ARIH2: variants seen among roughly 807,000 people sequenced by gnomAD.
ARIH2 encodes the protein E3 ubiquitin-protein ligase ARIH2.
In ARIH2, 12 loss-of-function variants were observed where a neutral mutation model predicts 79.8. That is an observed-to-expected ratio of 0.15 (90% CI 0.10 to 0.24). The LOEUF (loss-of-function observed/expected upper bound fraction) is 0.24. ARIH2 is among the 10% of genes least tolerant of loss of function. The pLI is 1.00. For missense variants in ARIH2, 301 were observed against 618.3 expected, an observed-to-expected ratio of 0.49 and a Z score of 5.44; for synonymous variants, 224 against 213.9, an observed-to-expected ratio of 1.05 and a Z score of -0.41.
chr3:48,973,588 A>AG, intron 8 of ARIH2, 111 bp from the exon 9 acceptor site: 4 of 768,792 alleles, frequency 5.2e-6, no homozygotes, highest in Non-Finnish European at 8.5e-6. Context: ...AAAAAAAAAA[A>AG]AAAAGAAAAA....
intron 6 of ARIH2, among the ~76,000 whole-genome samples, chr3:48,967,859 A>G (rs972945491): frequency 2.6e-5 from 4 of 152,166 alleles, no homozygotes; most frequent in Non-Finnish European, 4.4e-5. Flanking sequence ...TTGGGATAAT[A>G]TTTTAGTTTC....
chr3:48,975,691 A>C (rs545380327), intron 11 of ARIH2, among the ~76,000 whole-genome samples: 1 of 151,270 alleles, frequency 6.6e-6, no homozygotes, highest in East Asian at 2.0e-4. Flanking sequence ...CAGCCTTCCA[A>C]ATAGCTGGGA....
chr3:48,932,575 T>C (rs2086515391), intron 3 of ARIH2, among the ~76,000 whole-genome samples: 2 of 152,208 alleles, frequency 1.3e-5, no homozygotes, highest in South Asian at 4.1e-4. Flanking sequence ...TACCATTCCA[T>C]GGAACTCTTG....
At chr3:48,976,765 C>G (rs191134307) in intron 11 of ARIH2, among the ~76,000 whole-genome samples, 1 of 152,174 alleles carries the variant, frequency 6.6e-6, no homozygotes, top group Admixed American at 6.5e-5. Flanking sequence ...TAAGAAGCCC[C>G]CTGGGTGTCC....
At chr3:48,982,855 C>T (rs1323736050) in intron 14 of ARIH2, 41 bp from the exon 15 acceptor site, 11 of 1,542,996 alleles carry the variant, frequency 7.1e-6, no homozygotes, top group Middle Eastern at 1.7e-4. Context: ...GCCCCAGCCA[C>T]AGCCCACTCA....
At chr3:48,957,015 T>A (rs1418540502) in intron 3 of ARIH2, among the ~76,000 whole-genome samples, 1 of 152,070 alleles carries the variant, frequency 6.6e-6, no homozygotes, top group Non-Finnish European at 1.5e-5. Flanking sequence ...GCCTGGCCTA[T>A]CCTATACGTA....
At position 48,984,557 on chromosome 3, in the gene ARIH2, G is replaced by C. The variant is rs770659530; in HGVS notation, c.*1287G>C. 2.6e-5 allele frequency: 4 copies of C among 152,224 alleles called. No individual in the cohort carries two copies. Among genetic ancestry groups the C allele is most frequent in the Non-Finnish European group, 4.4e-5 (3 of 68,068 alleles). The allele number at this position is 152,224 out of a possible 1,614,324, so 9.4% of individuals were successfully genotyped here. A position where few individuals can be genotyped will look rare whatever the true frequency, so the allele number is the denominator to read the frequency against. On this transcript the variant is annotated 3_prime_UTR_variant, in exon 16 of 16. Coordinates refer to ENST00000356401, the MANE Select transcript of ARIH2 (RefSeq NM_006321.4). Reference sequence around the variant, plus strand: ...CACAATGAAGCGCAAGGGAACAAGTGGTTTGCCTGGTGTCCTACCTGTCCT... The same window carrying C: ...CACAATGAAGCGCAAGGGAACAAGTCGTTTGCCTGGTGTCCTACCTGTCCT...
chr3:48,948,212 C>T (rs1043692560), intron 3 of ARIH2, among the ~76,000 whole-genome samples: 3 of 152,108 alleles, frequency 2.0e-5, no homozygotes, highest in Non-Finnish European at 4.4e-5. Flanking sequence ...CCGCCCGCCT[C>T]GGCCTCCTAA....
intron 3 of ARIH2, among the ~76,000 whole-genome samples, chr3:48,942,433 T>A (rs184095426): frequency 9.5e-4 from 144 of 152,328 alleles, no homozygotes; most frequent in African/African-American, 3.2e-3. Flanking sequence ...CTTCCTGAAT[T>A]TCTGATGTCA....
In ARIH2 at chr3:48,918,960, G is replaced by C; in HGVS notation, c.-200G>C. 1.3e-6 allele frequency: 2 copies of C among 1,504,466 alleles called. No individual in the cohort carries two copies. The highest frequency in any genetic ancestry group is 1.3e-5 in the South Asian group (1 of 77,672). 93.2% of individuals were successfully genotyped at this position (1,504,466 alleles called of 1,614,324 possible). A position where few individuals can be genotyped will look rare whatever the true frequency, so the allele number is the denominator to read the frequency against. On this transcript the variant is annotated 5_prime_UTR_variant, in exon 1 of 16. Transcript: ENST00000356401. ...CTCTGGCCCGGCCTGACCCGGTCTG[G>C]CTTGTTCGGGCTCAGCGGCCGCGAG...
Position 48,977,785 on chromosome 3 carries a change from A to T in ARIH2, c.962-1697A>T, listed in dbSNP as rs1006911290. 2.6e-4 allele frequency among the ~76,000 whole-genome samples: 39 copies of T among 152,148 alleles called. 3 individuals are homozygous for T. On this transcript the variant is annotated intron_variant, in intron 11 of 15. Transcript: ENST00000356401. The stretch of plus-strand genomic sequence containing the variant: ...ATTGTTCTTTAAAATGGTAGCAAGC[A>T]CACCTAGCTAATTAAGGAGAGGGCA...
intron 2 of ARIH2, among the ~76,000 whole-genome samples, chr3:48,926,545 C>T (rs1352381723): frequency 6.6e-6 from 1 of 151,698 alleles, no homozygotes; most frequent in Non-Finnish European, 1.5e-5. Context: ...TCTGGGATTA[C>T]AGGCGTGAGC....
chr3:48,982,150 T>A (rs1329747565), intron 14 of ARIH2, among the ~76,000 whole-genome samples: 1 of 152,260 alleles, frequency 6.6e-6, no homozygotes. Context: ...AAACTAGTAA[T>A]TAACATTTTT....
chr3:48,977,201 C>A (rs1268685854), intron 11 of ARIH2, among the ~76,000 whole-genome samples: 1 of 151,994 alleles, frequency 6.6e-6, no homozygotes, highest in African/African-American at 2.4e-5. Context: ...GACTCCGTCT[C>A]AAAAACAAAC....
At chr3:48,936,055 C>T (rs1475051889) in intron 3 of ARIH2, among the ~76,000 whole-genome samples, 1 of 152,110 alleles carries the variant, frequency 6.6e-6, no homozygotes, top group South Asian at 2.1e-4. Flanking sequence ...GAAATAATAG[C>T]TTGTTTGTAC....
intron 3 of ARIH2, among the ~76,000 whole-genome samples, chr3:48,951,927 T>A (rs2090009180): frequency 6.6e-6 from 1 of 152,112 alleles, no homozygotes; most frequent in South Asian, 2.1e-4. Flanking sequence ...ATTGTTACTA[T>A]TTTCTTCTTT....
intron 5 of ARIH2, among the ~76,000 whole-genome samples, chr3:48,965,506 A>G (rs749668607): frequency 6.6e-5 from 10 of 152,174 alleles, no homozygotes; most frequent in Non-Finnish European, 1.2e-4. Flanking sequence ...GGCCCTCTCC[A>G]GCCCCACTTT....
chr3:48,935,091 T>C (rs1046127708), intron 3 of ARIH2: 3 of 366,428 alleles, frequency 8.2e-6, no homozygotes, highest in African/African-American at 6.6e-5. Flanking sequence ...TTTTCTTGCT[T>C]GCTTATCATC....
chr3:48,945,173 A>C (rs552450291), intron 3 of ARIH2: 1 of 1,289,696 alleles, frequency 7.8e-7, no homozygotes, highest in African/African-American at 1.5e-5. Flanking sequence ...CATCCTCCCT[A>C]TGGCACTGGT....
Sources: gnomAD v4.1 joint callset for allele counts (sites outside exome capture counted in the v4.1 genomes callset) on GRCh38, gnomAD v4.1.1 for gene constraint, MANE v1.5 for transcripts, NCBI Gene and HGNC (gene_info 2026-07-23, HGNC 2026-07-21) for gene names.